The following LAMA5 variants were observed in gnomAD, a reference collection of about 807,000 sequenced individuals.
LAMA5 encodes the protein laminin subunit alpha 5.
In LAMA5, 260 loss-of-function variants were observed where a neutral mutation model predicts 433.4. That is an observed-to-expected ratio of 0.60 (90% confidence interval 0.54 to 0.66). The LOEUF is 0.66. Among genes scored for constraint, LAMA5 ranks in the 30% least tolerant of loss-of-function variants. The pLI is 0.00. For synonymous variants in LAMA5, 2,620 were observed against 2,226.6 expected (o/e 1.18, Z -4.97); for missense variants, 5,378 against 5,258.5 (o/e 1.02, Z -0.70).
chr20:62,357,826 G>A (rs1261309813), intron 2 of LAMA5, among the ~76,000 whole-genome samples: 2 of 152,186 alleles, frequency 1.3e-5, no homozygotes, highest in Non-Finnish European at 2.9e-5. Context: ...CAGCCAGGGG[G>A]CTGCCCGCAC....
At chr20:62,344,090 G>A (rs994376654) in intron 11 of LAMA5, among the ~76,000 whole-genome samples, 1 of 142,864 alleles carries the variant, frequency 7.0e-6, no homozygotes. Context: ...GTGGTAGCGA[G>A]CCAAGATCAC....
Position 62,315,879 on chromosome 20 carries a change from T to C in LAMA5, c.7867+69A>G. On this transcript the variant is annotated intron_variant, in intron 58 of 79. Coordinates refer to ENST00000252999, the MANE Select transcript of LAMA5 (RefSeq NM_005560.6). ...ACAGTGAGTGCTCACCAACCACATG[T>C]GGCCAGCGCCACTGTCACAGAGCCT... 4.2e-6 allele frequency: 5 copies of C among 1,200,896 alleles called. No homozygotes were observed. The South Asian group carries it at 6.6e-5, about 16-fold the overall frequency. 74.4% of individuals were successfully genotyped at this position (1,200,896 alleles called of 1,614,324 possible). A position where few individuals can be genotyped will look rare whatever the true frequency, so the allele number is the denominator to read the frequency against.
In LAMA5 at chr20:62,320,954, G is replaced by A. The variant is rs73313205; in HGVS notation, c.6497-64C>T. On this transcript the variant is annotated intron_variant, in intron 48 of 79. Transcript: ENST00000252999. Reference sequence around the variant, plus strand: ...TCAGGCCAGGGGAGAATGATCAGCTGGGGCCCTGGGGTCATTAGGGTGGGG... The same window carrying A: ...TCAGGCCAGGGGAGAATGATCAGCTAGGGCCCTGGGGTCATTAGGGTGGGG... 5,335 of 1,533,366 alleles carry A rather than the reference G, an allele frequency of 3.5e-3. 77 individuals are homozygous for A. In the African/African-American group the frequency reaches 0.039, roughly 11 times the overall value. 95.0% of individuals were successfully genotyped at this position (1,533,366 alleles called of 1,614,324 possible). A position where few individuals can be genotyped will look rare whatever the true frequency, so the allele number is the denominator to read the frequency against.
chr20:62,328,844 G>A lies in LAMA5; in HGVS notation c.4447C>T (p.Pro1483Ser), dbSNP rs904199282. Residue 1483 changes from proline (P) to serine (S), a missense_variant and splice_region_variant, in exon 34 of 80, where the codon CCC becomes TCC. Coordinates refer to ENST00000252999, the MANE Select transcript of LAMA5 (RefSeq NM_005560.6). ...TGYWGFPNCR[P>S]CDCGARLCDE... ...GGCGCCCAAGGACTGGGGTACTCAC[G>A]CCTGCAGTTGGGGAAGCCCCAGTAT... The A allele has an allele frequency of 2.1e-5, 34 of 1,610,856 alleles. No homozygotes were observed. Among genetic ancestry groups the A allele is most frequent in the Non-Finnish European group, 2.6e-5 (31 of 1,179,332 alleles).
intron 55 of LAMA5, 22 bp downstream of exon 55, chr20:62,317,323 C>T (rs1164083545): frequency 1.3e-6 from 2 of 1,590,876 alleles, no homozygotes; most frequent in Admixed American, 3.5e-5. Flanking sequence ...GGCCCAGGGC[C>T]CCTCCTCTCC....
intron 2 of LAMA5, among the ~76,000 whole-genome samples, chr20:62,357,186 G>C (rs1985362094): frequency 1.3e-5 from 2 of 152,136 alleles, no homozygotes; most frequent in Non-Finnish European, 2.9e-5. Context: ...GGGAGACCAG[G>C]GCCAGGTCCA....
chr20:62,319,174 A>G, intron 51 of LAMA5, 161 bp from the exon 52 acceptor site: 1 of 670,648 alleles, frequency 1.5e-6, no homozygotes, highest in South Asian at 2.0e-5. Flanking sequence ...GCGAAAGGCC[A>G]CAGCTGCCTC....
chr20:62,336,618 G>A (rs1194291755), intron 17 of LAMA5, 116 bp downstream of exon 17: 13 of 1,308,624 alleles, frequency 9.9e-6, no homozygotes, highest in East Asian at 4.7e-5. Flanking sequence ...GACAGGCCCT[G>A]GGGTTGCCAT....
chr20:62,363,899 C>G (rs868343451), intron 1 of LAMA5, among the ~76,000 whole-genome samples: 15 of 152,210 alleles, frequency 9.9e-5, no homozygotes, highest in African/African-American at 3.6e-4. Context: ...AGACCCCGCC[C>G]TGGTGTTTGG....
intron 70 of LAMA5, 32 bp from the exon 71 acceptor site, chr20:62,311,816 TCCCCACCC>T: frequency 7.0e-5 from 106 of 1,520,516 alleles, no homozygotes; most frequent in Non-Finnish European, 8.8e-5. Flanking sequence ...GCTCGGTTTT[TCCCCACCC>T]TGCCCACCCC....
chr20:62,360,971 C>A (rs1054255052), intron 2 of LAMA5, among the ~76,000 whole-genome samples: 3 of 152,168 alleles, frequency 2.0e-5, no homozygotes, highest in Non-Finnish European at 4.4e-5. Context: ...ACTGCGCCCA[C>A]TGGCTCTGCA....
Position 62,314,595 on chromosome 20 carries a change from C to T in LAMA5, c.8327G>A (p.Gly2776Asp). The T allele has an allele frequency of 4.3e-6, 7 of 1,612,078 alleles. No homozygotes were observed. The South Asian group carries it at 6.6e-5, about 15-fold the overall frequency. ...GTACATCACAAAGCGATCCTCGGTA[C>T]CCTGCCCAGGCTCAGGCTCTGGGCC... Reference protein sequence around the residue: ...LQGPEPEPGQGTEDRFVMYMG... With the variant: ...LQGPEPEPGQDTEDRFVMYMG... Residue 2776 changes from glycine (G) to aspartate (D), a missense_variant, in exon 61 of 80, where the codon GGT becomes GAT. Gly to Asp is a moderately conservative substitution (Grantham distance 94). Coordinates refer to ENST00000252999, the MANE Select transcript of LAMA5 (RefSeq NM_005560.6).
chr20:62,350,009 G>A (rs1268005574), intron 6 of LAMA5, among the ~76,000 whole-genome samples: 1 of 151,628 alleles, frequency 6.6e-6, no homozygotes, highest in African/African-American at 2.4e-5. Context: ...CTAATGTTTT[G>A]GGACACTGGT....
rs781271277 is a variant in LAMA5, at chr20:62,346,806, G to C, written c.1073-6C>G. 3.1e-6 allele frequency: 5 copies of C among 1,611,102 alleles called. No individual in the cohort carries two copies. The highest frequency in any genetic ancestry group is 2.7e-5 in the African/African-American group (2 of 74,924). On this transcript the variant is annotated splice_polypyrimidine_tract_variant and splice_region_variant and intron_variant, in intron 7 of 79. Coordinates refer to ENST00000252999, the MANE Select transcript of LAMA5 (RefSeq NM_005560.6). ...ATGGCCGTAGCAGTTACAGGCTAGA[G>C]AGAGGGGAGCGCAGCTGTTGGCACG...
Position 62,322,066 on chromosome 20 carries a change from T to C in LAMA5, c.6449A>G (p.Gln2150Arg). Residue 2150 changes from glutamine to arginine, a missense_variant, in exon 48 of 80, where the codon CAG becomes CGG. Physicochemically the swap from Gln to Arg is conservative, Grantham distance 43. Coordinates refer to ENST00000252999, the MANE Select transcript of LAMA5 (RefSeq NM_005560.6). ...CACAGGCCCGCCTGGAACAGGCACC[T>C]GATGCTGCTGGCTGCAGGTGTCGCA... The part of the protein sequence containing the change: ...ERCDTCSQQH[Q>R]VPVPGGPVGH... 2 of 1,600,094 alleles carry C rather than the reference T, an allele frequency of 1.2e-6. No homozygotes were observed.
chr20:62,335,297 G>A (rs1164490695), intron 18 of LAMA5, 28 bp from the exon 19 acceptor site: 3 of 1,610,072 alleles, frequency 1.9e-6, no homozygotes, highest in South Asian at 2.2e-5. Context: ...GGACTCAGAT[G>A]CTTGGTGGGG....
rs751232365 is a variant in LAMA5 at position 62,334,237 on chromosome 20, G to A, written c.2688C>T (p.Leu896=). The change falls in exon 22 of 80, where the codon CTC becomes CTT. Residue 896 remains leucine, a synonymous_variant. Coordinates refer to ENST00000252999, the MANE Select transcript of LAMA5 (RefSeq NM_005560.6). The part of the protein sequence containing the change: ...GHAVRFGFNP[L]EFENFSWRGY... ...CCCTCCAGCTGAAGTTCTCGAACTC[G>A]AGGGGGTTGAAGCCAAAGCGCACGG... The A allele has an allele frequency of 4.7e-5, 76 of 1,612,782 alleles. 1 individual carries two copies. Among genetic ancestry groups the A allele is most frequent in the Non-Finnish European group, 5.5e-5 (65 of 1,179,894 alleles).
At chr20:62,349,707 ATGG>A (rs1422530539) in intron 6 of LAMA5, among the ~76,000 whole-genome samples, 2 of 106 alleles carry the variant, frequency 0.019, no homozygotes, top group African/African-American at 0.042. Context: ...GGTGATGGTG[ATGG>A]TGATGGTGAT....
intron 54 of LAMA5, 32 bp downstream of exon 54, chr20:62,317,630 G>C (rs925533401): frequency 2.6e-6 from 4 of 1,525,914 alleles, no homozygotes; most frequent in Non-Finnish European, 2.7e-6. Context: ...GCCGTGGATG[G>C]GGTGGCGACA....
Sources: gnomAD v4.1 joint callset for allele counts (sites outside exome capture counted in the v4.1 genomes callset) on GRCh38, gnomAD v4.1.1 for gene constraint, MANE v1.5 for transcripts, NCBI Gene and HGNC (gene_info 2026-07-23, HGNC 2026-07-21) for gene names.